Variants in IPCEF1 observed in about 807,000 individuals in gnomAD.
IPCEF1 encodes the protein interactor protein for cytohesin exchange factors 1.
A neutral mutation model predicts 50.9 loss-of-function variants in IPCEF1; 31 were observed. That is an observed-to-expected ratio of 0.61 (90% CI 0.46 to 0.82). The LOEUF is 0.82. IPCEF1 is among the 40% of genes least tolerant of loss of function. The pLI is 0.00. For synonymous variants in IPCEF1, 181 were observed against 192.0 expected (o/e 0.94, Z 0.47); for missense variants, 458 against 514.0 (o/e 0.89, Z 1.05).
intron 3 of IPCEF1, among the ~76,000 whole-genome samples, chr6:154,253,150 A>G (rs1176160507): frequency 6.6e-6 from 1 of 151,860 alleles, no homozygotes; most frequent in Non-Finnish European, 1.5e-5. Flanking sequence ...TTCTCCTCAC[A>G]TTACACTAAC....
Position 154,199,737 on chromosome 6 carries a change from A to T in IPCEF1, c.841T>A (p.Ser281Thr). The change falls in exon 10 of 12, where the codon TCA becomes ACA. Residue 281 changes from serine (S) to threonine (T), a missense_variant. By Grantham distance (58) the Ser-to-Thr change is moderately conservative. Coordinates refer to ENST00000367220, the MANE Select transcript of IPCEF1 (RefSeq NM_001130700.2). ...AGATGGTCATGATTGCTACTCAATGAAGAAGTATCATCACTAGATAAAGAG... is the reference window on the plus strand; with the variant it reads ...AGATGGTCATGATTGCTACTCAATGTAGAAGTATCATCACTAGATAAAGAG... The part of the protein sequence containing the change: ...LNSLSSDDTS[S>T]LSSNHDHLTV... 2 of 1,614,240 alleles carry T rather than the reference A, an allele frequency of 1.2e-6. No individual in the cohort carries two copies. Among genetic ancestry groups the T allele is most frequent in the Non-Finnish European group, 1.7e-6 (2 of 1,180,022 alleles).
intron 1 of IPCEF1, among the ~76,000 whole-genome samples, chr6:154,350,289 TC>T (rs933031680): frequency 1.3e-5 from 2 of 152,024 alleles, no homozygotes; most frequent in African/African-American, 4.8e-5. Flanking sequence ...TAAATAAATA[TC>T]CCCCCCAAAT....
intron 9 of IPCEF1, among the ~76,000 whole-genome samples, chr6:154,211,047 T>C (rs1777916615): frequency 6.6e-6 from 1 of 152,160 alleles, no homozygotes; most frequent in Non-Finnish European, 1.5e-5. Context: ...GTCTGGTAAG[T>C]GAATGAGCTA....
intron 11 of IPCEF1, among the ~76,000 whole-genome samples, chr6:154,160,495 CTT>C (rs1264249614): frequency 1.3e-5 from 2 of 152,130 alleles, no homozygotes; most frequent in African/African-American, 4.8e-5. Context: ...ATTAAATTAT[CTT>C]TATTTTTAAT....
At chr6:154,274,946 T>C (rs376210985) in intron 2 of IPCEF1, among the ~76,000 whole-genome samples, 3 of 152,332 alleles carry the variant, frequency 2.0e-5, no homozygotes, top group East Asian at 3.9e-4. Context: ...TGGAGAGTAG[T>C]TGTTGTCACT....
intron 7 of IPCEF1, among the ~76,000 whole-genome samples, chr6:154,219,912 T>C (rs907597788): frequency 6.6e-5 from 10 of 151,602 alleles, no homozygotes; most frequent in Non-Finnish European, 1.0e-4. Flanking sequence ...TGGAGGGTGA[T>C]GCTGGGGAGG....
intron 10 of IPCEF1, among the ~76,000 whole-genome samples, chr6:154,186,656 G>A (rs577336526): frequency 2.7e-4 from 41 of 151,846 alleles, no homozygotes; most frequent in East Asian, 7.8e-4. Flanking sequence ...TCCCGGGTTC[G>A]CGCCATTCTC....
intron 3 of IPCEF1, among the ~76,000 whole-genome samples, chr6:154,250,743 A>G (rs796580749): frequency 1.3e-5 from 2 of 152,374 alleles, no homozygotes; most frequent in East Asian, 3.9e-4. Flanking sequence ...TAAAATTCAC[A>G]GTAAGATGCT....
intron 5 of IPCEF1, among the ~76,000 whole-genome samples, chr6:154,223,476 C>T (rs189754396): frequency 3.3e-5 from 5 of 152,262 alleles, no homozygotes; most frequent in African/African-American, 1.2e-4. Context: ...TGACATGACA[C>T]AGCTTAGGGA....
intron 9 of IPCEF1, among the ~76,000 whole-genome samples, chr6:154,208,138 A>G (rs1777654763): frequency 6.6e-6 from 1 of 152,114 alleles, no homozygotes; most frequent in African/African-American, 2.4e-5. Flanking sequence ...CAAACCTTTC[A>G]AAGGCTCCCT....
intron 9 of IPCEF1, among the ~76,000 whole-genome samples, chr6:154,209,375 G>C (rs1225060330): frequency 6.6e-6 from 1 of 152,184 alleles, no homozygotes. Context: ...CTATGACTGA[G>C]TGCAGTGGCT....
chr6:154,197,544 G>C (rs757680359), intron 10 of IPCEF1, among the ~76,000 whole-genome samples: 1 of 152,204 alleles, frequency 6.6e-6, no homozygotes, highest in Non-Finnish European at 1.5e-5. Flanking sequence ...GCTGTTTGAA[G>C]AAGTATACAG....
rs573394990 is a variant in IPCEF1, at chr6:154,274,315, CT to C, written c.-17-8352del. ...CTTTATTTTTGACACCATAAAAATA[CT>C]GCAATCCATCATCTGTGGAGACTGG... On this transcript the variant is annotated intron_variant, in intron 2 of 11. Transcript: ENST00000367220. Among the ~76,000 whole-genome samples, 750 of 152,266 alleles carry C rather than the reference CT, an allele frequency of 4.9e-3. 7 individuals are homozygous for C. The highest frequency in any genetic ancestry group is 0.017 in the African/African-American group (724 of 41,548).
At chr6:154,210,092 T>C (rs552399699) in intron 9 of IPCEF1, among the ~76,000 whole-genome samples, 6 of 152,220 alleles carry the variant, frequency 3.9e-5, no homozygotes, top group Non-Finnish European at 7.3e-5. Context: ...TATAATGCAA[T>C]TGAGCCATGA....
At chr6:154,209,200 T>C (rs779463531) in intron 9 of IPCEF1, among the ~76,000 whole-genome samples, 14 of 152,218 alleles carry the variant, frequency 9.2e-5, no homozygotes. Context: ...TATTTTATAC[T>C]GTTGAGTTCA....
intron 5 of IPCEF1, among the ~76,000 whole-genome samples, chr6:154,229,189 A>G (rs1432143959): frequency 6.6e-6 from 1 of 152,208 alleles, no homozygotes; most frequent in Non-Finnish European, 1.5e-5. Context: ...TGAAGGAAAT[A>G]ACTGTGTTGT....
chr6:154,244,201 G>A (rs4314511), intron 5 of IPCEF1, among the ~76,000 whole-genome samples: 129,456 of 152,076 alleles, frequency 0.85, 56,012 homozygotes, highest in African/African-American at 0.91. Context: ...GTTGGTGTCC[G>A]CACAGAGAAG....
intron 5 of IPCEF1, among the ~76,000 whole-genome samples, chr6:154,227,257 A>G (rs1779327937): frequency 6.6e-6 from 1 of 152,056 alleles, no homozygotes; most frequent in Non-Finnish European, 1.5e-5. Context: ...ATAAAAAACA[A>G]TAGTTCCATG....
chr6:154,343,298 G>A (rs190240801), intron 1 of IPCEF1, among the ~76,000 whole-genome samples: 187 of 152,164 alleles, frequency 1.2e-3, no homozygotes, highest in African/African-American at 4.3e-3. Context: ...TATGTCATGT[G>A]CTTCTAGGGC....
Sources: allele counts gnomAD v4.1 joint callset (sites outside exome capture counted in the v4.1 genomes callset), GRCh38; gene constraint gnomAD v4.1.1; transcripts MANE v1.5; gene names NCBI Gene and HGNC (gene_info 2026-07-23, HGNC 2026-07-21).